ZNF676: variants seen among roughly 807,000 people sequenced by gnomAD.
ZNF676 encodes the protein zinc finger protein 676.
In ZNF676, 4 loss-of-function variants were observed where a neutral mutation model predicts 6.0. The ratio of observed to expected loss-of-function variants is 0.67; its 90% CI spans 0.33 to 1.53. ZNF676 has a LOEUF of 1.53. Among genes scored for constraint, ZNF676 ranks in the 40% most tolerant of loss-of-function variants. The pLI is 0.06. For missense variants in ZNF676, 644 were observed against 679.7 expected, an observed-to-expected ratio of 0.95 and a Z score of 0.58; for synonymous variants, 198 against 223.1, an observed-to-expected ratio of 0.89 and a Z score of 1.00.
chr19:22,259,905 A>T, the ZNF676 span: 1 of 152,218 alleles, frequency 6.6e-6, no homozygotes, highest in Non-Finnish European at 1.5e-5. Context: ...GAGCACAGAC[A>T]TATGTCACAA....
the ZNF676 span, among the ~76,000 whole-genome samples, chr19:22,234,401 C>T: frequency 6.6e-6 from 1 of 152,190 alleles, no homozygotes; most frequent in Non-Finnish European, 1.5e-5. Context: ...TCAGAACCTG[C>T]TCAAGCCCGA....
the ZNF676 span, among the ~76,000 whole-genome samples, chr19:22,226,535 A>G: frequency 6.6e-6 from 1 of 151,868 alleles, no homozygotes; most frequent in Non-Finnish European, 1.5e-5. Flanking sequence ...AGAATATGTT[A>G]AAGAGTGTTT....
At chr19:22,182,573 T>C (rs1473529062) in intron 2 of ZNF676, among the ~76,000 whole-genome samples, 1 of 37,498 alleles carries the variant, frequency 2.7e-5, no homozygotes, top group East Asian at 7.0e-4. Context: ...CAGTGTGATA[T>C]AGTCAAAGTT....
At chr19:22,200,302 G>A (rs147948666), upstream of ZNF676, among the ~76,000 whole-genome samples, 2 of 151,762 alleles carry the variant, frequency 1.3e-5, no homozygotes, top group African/African-American at 4.8e-5. Flanking sequence ...CAGGGTAAAA[G>A]AACTACAAAT....
chr19:22,249,468 A>C, the ZNF676 span, among the ~76,000 whole-genome samples: 1 of 152,144 alleles, frequency 6.6e-6, no homozygotes, highest in Non-Finnish European at 1.5e-5. Flanking sequence ...GCTGGAGTGC[A>C]GTGGCGCAAT....
the ZNF676 span, among the ~76,000 whole-genome samples, chr19:22,223,032 A>G: frequency 1.3e-5 from 2 of 152,196 alleles, no homozygotes; most frequent in Non-Finnish European, 2.9e-5. Context: ...GAACTAAAAC[A>G]TTAAACTGTA....
At chr19:22,226,931 T>C in the ZNF676 span, among the ~76,000 whole-genome samples, 2 of 152,186 alleles carry the variant, frequency 1.3e-5, no homozygotes, top group Non-Finnish European at 2.9e-5. Flanking sequence ...TTTTGGATTT[T>C]CCTGTTTTAC....
At chr19:22,238,494 T>C in the ZNF676 span, among the ~76,000 whole-genome samples, 1 of 151,884 alleles carries the variant, frequency 6.6e-6, no homozygotes, top group African/African-American at 2.4e-5. Flanking sequence ...AGAAGTAGAG[T>C]CCTTAGCATT....
At chr19:22,260,241 C>A in the ZNF676 span, among the ~76,000 whole-genome samples, 7 of 152,046 alleles carry the variant, frequency 4.6e-5, no homozygotes, top group Non-Finnish European at 5.9e-5. Flanking sequence ...CTCCACACAG[C>A]GGCTCACACC....
chr19:22,211,669 A>C (rs1043982316), intron 1 of ZNF676, among the ~76,000 whole-genome samples: 3 of 152,122 alleles, frequency 2.0e-5, no homozygotes, highest in Non-Finnish European at 4.4e-5. Context: ...TTTACCATTA[A>C]ACTCAGAAAT....
the ZNF676 span, among the ~76,000 whole-genome samples, chr19:22,242,556 G>T: frequency 2.6e-5 from 4 of 151,964 alleles, 1 homozygote; most frequent in African/African-American, 9.7e-5. Context: ...CACAATGTAT[G>T]CAAGGCCCAA....
intron 2 of ZNF676, among the ~76,000 whole-genome samples, chr19:22,182,732 G>A (rs533639165): frequency 3.4e-5 from 5 of 149,034 alleles, no homozygotes; most frequent in East Asian, 3.9e-4. Context: ...CACTGCATAC[G>A]TCTTCCATAG....
chr19:22,184,767 C>T (rs1035774768), intron 2 of ZNF676, among the ~76,000 whole-genome samples: 7 of 147,356 alleles, frequency 4.8e-5, no homozygotes, highest in Admixed American at 1.4e-4. Flanking sequence ...TGGAGCCCAC[C>T]GCAGCTAGCA....
chr19:22,184,181 T>C (rs2023799719), intron 2 of ZNF676, among the ~76,000 whole-genome samples: 1 of 152,086 alleles, frequency 6.6e-6, no homozygotes, highest in Non-Finnish European at 1.5e-5. Flanking sequence ...CGGGACTGGT[T>C]GAACAGTGGA....
chr19:22,194,750 G>A (rs114297157), intron 1 of ZNF676, among the ~76,000 whole-genome samples: 2,659 of 152,102 alleles, frequency 0.017, 50 homozygotes, highest in African/African-American at 0.039. Context: ...AGGGGCCCTG[G>A]ACCCAGTCCC....
intron 1 of ZNF676, among the ~76,000 whole-genome samples, chr19:22,214,981 C>G (rs865863696): frequency 7.1e-6 from 1 of 140,168 alleles, no homozygotes; most frequent in Non-Finnish European, 1.5e-5. Context: ...GCGGAGCTTC[C>G]AGTGAGCCAA....
chr19:22,185,319 C>G (rs1256820167), intron 2 of ZNF676, among the ~76,000 whole-genome samples: 2 of 152,126 alleles, frequency 1.3e-5, no homozygotes, highest in South Asian at 2.1e-4. Context: ...GGAATAGAAG[C>G]AACATCTACA....
At chr19:22,192,182 ACTAT>A (rs1446492171) in intron 2 of ZNF676, among the ~76,000 whole-genome samples, 4 of 152,160 alleles carry the variant, frequency 2.6e-5, no homozygotes, top group Non-Finnish European at 5.9e-5. Context: ...ATACACTTAA[ACTAT>A]CTGATAAAAT....
upstream of ZNF676, among the ~76,000 whole-genome samples, chr19:22,217,200 T>C (rs2024200855): frequency 6.6e-6 from 1 of 152,000 alleles, no homozygotes; most frequent in African/African-American, 2.4e-5. Flanking sequence ...AATTCTTTTT[T>C]TTAATTATAT....
Sources: allele counts gnomAD v4.1 joint callset (sites outside exome capture counted in the v4.1 genomes callset), GRCh38; gene constraint gnomAD v4.1.1; transcripts MANE v1.5; gene names NCBI Gene and HGNC (gene_info 2026-07-23, HGNC 2026-07-21).